RFTN1: variants seen among roughly 807,000 people sequenced by gnomAD.
The protein encoded by RFTN1 is raftlin, lipid raft linker 1.
Under a neutral mutation model 46.5 loss-of-function variants are expected in RFTN1, and 26 were observed. The ratio of observed to expected loss-of-function variants is 0.56; its 90% CI spans 0.41 to 0.78. RFTN1 has a LOEUF of 0.78. Ranked by LOEUF, RFTN1 falls within the 30% of genes least tolerant of loss-of-function variation. RFTN1 has a pLI of 0.00. For synonymous variants in RFTN1, 261 were observed against 284.2 expected (o/e 0.92, Z 0.82); for missense variants, 693 against 718.7 (o/e 0.96, Z 0.41).
intron 2 of RFTN1, among the ~76,000 whole-genome samples, chr3:16,435,941 TATATCA>T (rs2075504165): frequency 1.4e-5 from 2 of 145,520 alleles, no homozygotes; most frequent in Non-Finnish European, 3.0e-5. Context: ...TATATATATA[TATATCA>T]CACACATATG....
intron 1 of RFTN1, 76 bp from the exon 2 acceptor site, chr3:16,493,953 T>G: frequency 6.5e-7 from 1 of 1,530,644 alleles, no homozygotes; most frequent in Non-Finnish European, 8.9e-7. Flanking sequence ...GTATAAAAGA[T>G]GCCGTAATTT....
At chr3:16,469,705 C>T (rs576301567) in intron 2 of RFTN1, among the ~76,000 whole-genome samples, 14 of 152,350 alleles carry the variant, frequency 9.2e-5, no homozygotes, top group East Asian at 5.8e-4. Context: ...CCACAGAGGA[C>T]GGCCTTGGGC....
intron 7 of RFTN1, among the ~76,000 whole-genome samples, chr3:16,328,782 A>G (rs745839360): frequency 6.6e-6 from 1 of 152,218 alleles, no homozygotes; most frequent in Non-Finnish European, 1.5e-5. Flanking sequence ...TCTGAGAACC[A>G]TCGCCTAGGT....
rs552404629 is a variant in RFTN1 at position 16,387,815 on chromosome 3, C to G, written c.442-9713G>C. Among the ~76,000 whole-genome samples the G allele has an allele frequency of 6.6e-6, 1 of 152,086 alleles. No individual in the cohort carries two copies. Among genetic ancestry groups the G allele is most frequent in the South Asian group, 2.1e-4 (1 of 4,826 alleles). ...CACAGCCCTCCTGTCACCTCCATGA[C>G]GCCAAATCCCACAGGCTTTTTAGCC... On this transcript the variant is annotated intron_variant, in intron 4 of 9. Coordinates refer to ENST00000334133, the MANE Select transcript of RFTN1 (RefSeq NM_015150.2). This position sits in a 1 kb window ranked among gnomAD's most constrained non-coding sequence, Gnocchi z 5.2.
rs1001551182 is a variant in RFTN1, at chr3:16,507,716, C to T, written c.-9+5726G>A. Among the ~76,000 whole-genome samples the T allele has an allele frequency of 5.3e-5, 8 of 151,364 alleles. No homozygotes were observed. Among genetic ancestry groups the T allele is most frequent in the Admixed American group, 4.0e-4 (6 of 15,182 alleles). On this transcript the variant is annotated intron_variant, in intron 1 of 9. Transcript: ENST00000334133. This position sits in a 1 kb window ranked among gnomAD's most constrained non-coding sequence, Gnocchi z 7.1. Reference sequence around the variant, plus strand: ...ATACACACACATACATACACATACACACATACACACAAACACATACACACA... The same window carrying T: ...ATACACACACATACATACACATACATACATACACACAAACACATACACACA...
chr3:16,419,550 T>C (rs1456353401), intron 3 of RFTN1, among the ~76,000 whole-genome samples: 2 of 152,176 alleles, frequency 1.3e-5, no homozygotes, highest in East Asian at 1.9e-4. Flanking sequence ...AACCTGCACC[T>C]TCCCAGAGAT....
chr3:16,489,613 G>A lies in RFTN1; in HGVS notation c.145+4112C>T, dbSNP rs1042861896. On this transcript the variant is annotated intron_variant, in intron 2 of 9. Transcript: ENST00000334133. This position sits in a 1 kb window ranked among gnomAD's most constrained non-coding sequence, Gnocchi z 4.0. ...ACCTTGATAAAGCTGAAAAATTTCT[G>A]AAACATGAGAGCAGGCCAGTGCAGT... Among the ~76,000 whole-genome samples, 1 of 152,072 alleles carries A rather than the reference G, an allele frequency of 6.6e-6. No homozygotes were observed.
At chr3:16,378,694 A>G (rs550860676) in intron 4 of RFTN1, among the ~76,000 whole-genome samples, 2 of 152,270 alleles carry the variant, frequency 1.3e-5, no homozygotes, top group East Asian at 3.9e-4. Flanking sequence ...TCTGATGGAC[A>G]CCTTGCTCCC....
intron 2 of RFTN1, among the ~76,000 whole-genome samples, chr3:16,463,188 C>T (rs1208823809): frequency 2.0e-5 from 3 of 152,166 alleles, no homozygotes; most frequent in African/African-American, 7.2e-5. Flanking sequence ...ATGGGTTGAT[C>T]TCTCTTACAA....
rs114822709 is a variant in RFTN1 at position 16,405,649 on chromosome 3, T to C, written c.441+3726A>G. ...TTGTGAGAAATAATGAAATCTTCTC[T>C]CCCTCCTTCTATCCGTGTCCTCTAT... On this transcript the variant is annotated intron_variant, in intron 4 of 9. Transcript: ENST00000334133. 4.2e-3 allele frequency among the ~76,000 whole-genome samples: 646 copies of C among 152,326 alleles called. 3 individuals are homozygous for C. The highest frequency in any genetic ancestry group is 0.015 in the African/African-American group (623 of 41,566).
intron 2 of RFTN1, chr3:16,471,811 T>C (rs1350825058): frequency 6.6e-6 from 1 of 152,196 alleles, no homozygotes; most frequent in Non-Finnish European, 1.5e-5. Context: ...TTTAAACTAT[T>C]TTTTATTCCT....
chr3:16,417,009 CTTTT>C (rs72060599), intron 3 of RFTN1, among the ~76,000 whole-genome samples: 10 of 121,268 alleles, frequency 8.2e-5, no homozygotes, highest in Non-Finnish European at 1.2e-4. Context: ...TTTTCTTTTT[CTTTT>C]TTTTTTTTTT....
At chr3:16,364,634 T>C (rs917534810) in intron 6 of RFTN1, among the ~76,000 whole-genome samples, 8 of 152,154 alleles carry the variant, frequency 5.3e-5, no homozygotes, top group African/African-American at 1.7e-4. Flanking sequence ...TCTGTGCAGA[T>C]GCCATGCTGT....
chr3:16,362,582 T>G (rs1575128776), intron 6 of RFTN1, among the ~76,000 whole-genome samples: 1 of 152,108 alleles, frequency 6.6e-6, no homozygotes, highest in Admixed American at 6.5e-5. Context: ...CTGGGCATGC[T>G]TGAGACCAGA....
rs2075787584 is a variant in RFTN1 at position 16,449,482 on chromosome 3, G to A, written c.146-15445C>T. On this transcript the variant is annotated intron_variant, in intron 2 of 9. Coordinates refer to ENST00000334133, the MANE Select transcript of RFTN1 (RefSeq NM_015150.2). The surrounding 1 kb of genome is among the most constrained non-coding windows in gnomAD (Gnocchi z 5.1). ...AGGCTGCTATGAAGATTGAGATAATGCACATAAAGTCCTAGAACTGCACCT... is the reference window on the plus strand; with the variant it reads ...AGGCTGCTATGAAGATTGAGATAATACACATAAAGTCCTAGAACTGCACCT... 6.6e-6 allele frequency among the ~76,000 whole-genome samples: 1 copy of A among 152,166 alleles called. No homozygotes were observed. Among genetic ancestry groups the A allele is most frequent in the African/African-American group, 2.4e-5 (1 of 41,432 alleles).
At chr3:16,510,401 C>T (rs922821876) in intron 1 of RFTN1, among the ~76,000 whole-genome samples, 4 of 152,210 alleles carry the variant, frequency 2.6e-5, no homozygotes, top group African/African-American at 9.6e-5. Context: ...TCTTCTTTCA[C>T]AACCAAGGGT....
chr3:16,433,186 A>AT lies in RFTN1; in HGVS notation c.332+664_332+665insA, dbSNP rs67605032. ...CCCATCCTCACTGTTTTTTTTTTTTAAAAAAATTAATATTGTTCCTTTTGA... is the reference window on the plus strand; with the variant it reads ...CCCATCCTCACTGTTTTTTTTTTTTATAAAAAATTAATATTGTTCCTTTTGA... On this transcript the variant is annotated intron_variant, in intron 3 of 9. Transcript: ENST00000334133. This position sits in a 1 kb window ranked among gnomAD's most constrained non-coding sequence, Gnocchi z 4.4. Among the ~76,000 whole-genome samples the AT allele has an allele frequency of 2.1e-5, 1 of 47,086 alleles. No homozygotes were observed. Among genetic ancestry groups the AT allele is most frequent in the East Asian group, 1.3e-3 (1 of 762 alleles). 30.9% of individuals were successfully genotyped at this position (47,086 alleles called of 152,430 possible).
rs541626462 is a variant in RFTN1 at position 16,370,474 on chromosome 3, A to G, written c.827-195T>C. 1.3e-5 allele frequency among the ~76,000 whole-genome samples: 2 copies of G among 152,354 alleles called. No individual in the cohort carries two copies. The highest frequency in any genetic ancestry group is 2.1e-4 in the South Asian group (1 of 4,826). ...TAAGTTGAGGCTGGCTTAAAGTAACATGGACCTGAAGGGTTGGGCTTCTGA... is the reference window on the plus strand; with the variant it reads ...TAAGTTGAGGCTGGCTTAAAGTAACGTGGACCTGAAGGGTTGGGCTTCTGA... On this transcript the variant is annotated intron_variant, in intron 5 of 9. Transcript: ENST00000334133. The surrounding 1 kb of genome is among the most constrained non-coding windows in gnomAD (Gnocchi z 5.5).
intron 4 of RFTN1, among the ~76,000 whole-genome samples, chr3:16,408,467 C>T (rs561426341): frequency 6.8e-6 from 1 of 147,496 alleles, no homozygotes; most frequent in Non-Finnish European, 1.5e-5. Flanking sequence ...GGGGAATTGT[C>T]GATTACTAGG....
Sources: allele counts gnomAD v4.1 joint callset (sites outside exome capture counted in the v4.1 genomes callset), GRCh38; gene constraint gnomAD v4.1.1; non-coding constraint Gnocchi (gnomAD v3.1); transcripts MANE v1.5; gene names NCBI Gene and HGNC (gene_info 2026-07-23, HGNC 2026-07-21).